Variants in CHLSN observed in about 807,000 individuals in gnomAD.
CHLSN encodes the protein cholesin, also known as protein cholesin.
chr7:1,078,403 AG>A, the CHLSN span, among the ~76,000 whole-genome samples: 1 of 152,042 alleles, frequency 6.6e-6, no homozygotes, highest in Non-Finnish European at 1.5e-5. Context: ...AGGCCTGCGA[AG>A]GGGGCCCCAT....
At chr7:1,091,438 C>T in the CHLSN span, 2 of 408,434 alleles carry the variant, frequency 4.9e-6, no homozygotes, top group South Asian at 4.9e-5. Flanking sequence ...CCACGCGGGA[C>T]TGTGCACGGT....
the CHLSN span, among the ~76,000 whole-genome samples, chr7:1,011,287 A>G: frequency 7.6e-6 from 1 of 131,654 alleles, no homozygotes; most frequent in African/African-American, 2.9e-5. Context: ...ATACCCACAC[A>G]TAGACCAACA....
the CHLSN span, chr7:983,488 T>C: frequency 4.1e-6 from 5 of 1,215,622 alleles, no homozygotes; most frequent in East Asian, 6.0e-5. Flanking sequence ...TGTTCCCACA[T>C]GGTGCCGGGC....
chr7:1,028,101 C>T, the CHLSN span, among the ~76,000 whole-genome samples: 7 of 149,522 alleles, frequency 4.7e-5, no homozygotes, highest in African/African-American at 1.8e-4. Context: ...GCTCGGCCGG[C>T]CCGGGGTCTG....
At chr7:987,702 C>A in the CHLSN span, among the ~76,000 whole-genome samples, 11 of 152,216 alleles carry the variant, frequency 7.2e-5, no homozygotes, top group African/African-American at 2.4e-4. Flanking sequence ...AGCCCTCTCA[C>A]CCCACAGCCC....
the CHLSN span, among the ~76,000 whole-genome samples, chr7:996,767 G>T: frequency 1.3e-4 from 20 of 152,358 alleles, 1 homozygote; most frequent in African/African-American, 4.6e-4. Context: ...GCTTGATTCT[G>T]TGCGGCCTAA....
At chr7:1,050,132 G>T in the CHLSN span, among the ~76,000 whole-genome samples, 87 of 152,338 alleles carry the variant, frequency 5.7e-4, no homozygotes, top group Non-Finnish European at 1.1e-3. Flanking sequence ...ACAGGCCTAC[G>T]GGCTCAGGGC....
the CHLSN span, among the ~76,000 whole-genome samples, chr7:1,004,242 G>T: frequency 6.6e-6 from 1 of 152,142 alleles, no homozygotes; most frequent in Non-Finnish European, 1.5e-5. Flanking sequence ...GCCAGGCCAT[G>T]GCATCTGCCT....
the CHLSN span, chr7:1,055,356 G>T: frequency 2.1e-6 from 1 of 471,012 alleles, no homozygotes; most frequent in Non-Finnish European, 4.4e-6. Flanking sequence ...GAGCCTGCGG[G>T]TTTGCAGAGA....
the CHLSN span, among the ~76,000 whole-genome samples, chr7:1,090,502 C>T: frequency 5.9e-5 from 9 of 151,770 alleles, no homozygotes; most frequent in Admixed American, 3.9e-4. Flanking sequence ...TCCCCACTGG[C>T]GGCAGAGCCG....
the CHLSN span, among the ~76,000 whole-genome samples, chr7:1,136,051 T>C: frequency 8.6e-6 from 1 of 115,698 alleles, no homozygotes; most frequent in East Asian, 2.6e-4. Flanking sequence ...TATATAAGTA[T>C]ATATAAATAT....
the CHLSN span, among the ~76,000 whole-genome samples, chr7:1,083,803 G>A: frequency 6.6e-5 from 10 of 152,262 alleles, no homozygotes; most frequent in East Asian, 1.9e-4. Context: ...GCACCGACGC[G>A]CCCACGTCCA....
At chr7:1,001,853 GA>G in the CHLSN span, among the ~76,000 whole-genome samples, 2 of 112,490 alleles carry the variant, frequency 1.8e-5, no homozygotes, top group African/African-American at 7.5e-5. Flanking sequence ...TCCTGTGGGT[GA>G]GTGGAGTCCT....
chr7:1,130,851 C>T, the CHLSN span, among the ~76,000 whole-genome samples: 215 of 152,264 alleles, frequency 1.4e-3, 1 homozygote, highest in African/African-American at 5.0e-3. Flanking sequence ...CAAAGGACCA[C>T]GTCAGTAAGC....
chr7:1,111,699 G>A, the CHLSN span, among the ~76,000 whole-genome samples: 2 of 152,216 alleles, frequency 1.3e-5, no homozygotes, highest in African/African-American at 4.8e-5. Flanking sequence ...CTACTTGGGA[G>A]GCTGAGGTGG....
At chr7:1,001,672 TGGAGTCCTGCGGGTGG>T in the CHLSN span, among the ~76,000 whole-genome samples, 1 of 17,986 alleles carries the variant, frequency 5.6e-5, no homozygotes, top group Non-Finnish European at 9.4e-5. Flanking sequence ...TGTGGGTGAG[TGGAGTCCTGCGGGTGG>T]GGAGTCCTGC....
chr7:1,053,184 G>A, the CHLSN span, among the ~76,000 whole-genome samples: 1 of 150,440 alleles, frequency 6.6e-6, no homozygotes, highest in East Asian at 2.2e-4. Flanking sequence ...GGAGACCACG[G>A]ACAGGCAAGG....
the CHLSN span, among the ~76,000 whole-genome samples, chr7:1,106,702 G>A: frequency 1.3e-5 from 2 of 152,212 alleles, no homozygotes; most frequent in African/African-American, 4.8e-5. Context: ...ACTGGCTGTG[G>A]GGTGCGGCCA....
At chr7:1,029,328 A>G in the CHLSN span, among the ~76,000 whole-genome samples, 2 of 152,208 alleles carry the variant, frequency 1.3e-5, no homozygotes, top group South Asian at 4.1e-4. Flanking sequence ...GGGTCTCACT[A>G]CGTTGCCCAG....
Sources: gnomAD v4.1 joint callset for allele counts (sites outside exome capture counted in the v4.1 genomes callset) on GRCh38, gnomAD v4.1.1 for gene constraint, MANE v1.5 for transcripts, NCBI Gene and HGNC (gene_info 2026-07-23, HGNC 2026-07-21) for gene names.